The following STXBP5L variants were observed in gnomAD, a reference collection of about 807,000 sequenced individuals.
The protein encoded by STXBP5L is syntaxin binding protein 5L, also known as syntaxin-binding protein 5-like.
Under a neutral mutation model 144.5 loss-of-function variants are expected in STXBP5L, and 65 were observed. The ratio of observed to expected loss-of-function variants is 0.45; its 90% CI spans 0.37 to 0.55. The LOEUF is 0.55. STXBP5L is among the 20% of genes least tolerant of loss of function. The probability of loss-of-function intolerance (pLI) is 0.00; values close to 1 mark genes in which losing one functional copy is unlikely to be tolerated. For missense variants in STXBP5L, 1,298 were observed against 1,405.5 expected (o/e 0.92, Z 1.22); for synonymous variants, 505 against 469.6 (o/e 1.08, Z -0.97).
chr3:121,057,669 T>C (rs1412911128), intron 5 of STXBP5L, among the ~76,000 whole-genome samples: 1 of 152,088 alleles, frequency 6.6e-6, no homozygotes, highest in Non-Finnish European at 1.5e-5. Flanking sequence ...TTATTTTCAT[T>C]ATTATGTACT....
intron 2 of STXBP5L, among the ~76,000 whole-genome samples, chr3:120,910,772 C>G (rs1024179410): frequency 1.3e-5 from 2 of 151,978 alleles, no homozygotes; most frequent in Non-Finnish European, 2.9e-5. Context: ...ACTGTCTCAG[C>G]CTATATTCCT....
At chr3:121,340,868 A>C (rs934639879) in intron 20 of STXBP5L, among the ~76,000 whole-genome samples, 1 of 152,136 alleles carries the variant, frequency 6.6e-6, no homozygotes, top group African/African-American at 2.4e-5. Flanking sequence ...GACAAAGTTA[A>C]AGTGTAGAGT....
chr3:121,206,645 G>C (rs2108234244), intron 10 of STXBP5L, among the ~76,000 whole-genome samples: 1 of 152,088 alleles, frequency 6.6e-6, no homozygotes, highest in East Asian at 1.9e-4. Flanking sequence ...CCCTGCCTCT[G>C]CTAGAAATAC....
chr3:121,216,698 A>C (rs999428977), intron 10 of STXBP5L, among the ~76,000 whole-genome samples: 1 of 152,228 alleles, frequency 6.6e-6, no homozygotes, highest in Non-Finnish European at 1.5e-5. Context: ...GTCCCTTAGC[A>C]GAGCTCGAGC....
At chr3:121,196,347 C>A (rs138166600) in intron 9 of STXBP5L, among the ~76,000 whole-genome samples, 89 of 152,006 alleles carry the variant, frequency 5.9e-4, no homozygotes, top group Middle Eastern at 6.8e-3. Context: ...TCATGTTGGT[C>A]AGGCTGGTCT....
chr3:121,134,770 G>A (rs1162565056), intron 7 of STXBP5L, among the ~76,000 whole-genome samples: 1 of 115,564 alleles, frequency 8.7e-6, no homozygotes, highest in Non-Finnish European at 2.2e-5. Flanking sequence ...ATTCCATAGT[G>A]TATATGTGCC....
chr3:121,309,586 A>G (rs2108508967), intron 19 of STXBP5L, among the ~76,000 whole-genome samples: 1 of 152,270 alleles, frequency 6.6e-6, no homozygotes, highest in South Asian at 2.1e-4. Context: ...CAAGAACTAG[A>G]CAGAAGATCA....
chr3:121,314,464 G>A (rs1460021708), intron 19 of STXBP5L, among the ~76,000 whole-genome samples: 46 of 143,374 alleles, frequency 3.2e-4, no homozygotes, highest in Middle Eastern at 7.1e-3. Context: ...GCGTGGCGGC[G>A]CGCGCCTGCA....
intron 7 of STXBP5L, among the ~76,000 whole-genome samples, chr3:121,123,474 C>T (rs114695745): frequency 6.6e-4 from 100 of 151,342 alleles, no homozygotes; most frequent in Non-Finnish European, 8.0e-4. Context: ...TTCTTTAAGA[C>T]GCATTTTTTA....
chr3:121,211,924 T>C (rs1410070228), intron 10 of STXBP5L, among the ~76,000 whole-genome samples: 2 of 152,142 alleles, frequency 1.3e-5, no homozygotes, highest in African/African-American at 4.8e-5. Flanking sequence ...GGCATGAGAT[T>C]GTATCTCATT....
At chr3:121,008,323 A>T (rs938754232) in intron 3 of STXBP5L, among the ~76,000 whole-genome samples, 12 of 152,002 alleles carry the variant, frequency 7.9e-5, no homozygotes, top group Non-Finnish European at 1.5e-5. Flanking sequence ...AAAGTATCCA[A>T]GTGGTAGCCT....
chr3:121,207,357 T>A (rs2048377100), intron 10 of STXBP5L, among the ~76,000 whole-genome samples: 1 of 152,170 alleles, frequency 6.6e-6, no homozygotes, highest in African/African-American at 2.4e-5. Context: ...ACTTAAATGT[T>A]AGACCTAAAA....
chr3:120,957,026 C>T (rs546009012), intron 3 of STXBP5L, among the ~76,000 whole-genome samples: 1 of 151,996 alleles, frequency 6.6e-6, no homozygotes, highest in East Asian at 1.9e-4. Flanking sequence ...TCTAATCTCA[C>T]TATTTGGCAT....
intron 22 of STXBP5L, among the ~76,000 whole-genome samples, chr3:121,399,383 G>A (rs749263611): frequency 9.2e-5 from 14 of 152,128 alleles, no homozygotes; most frequent in Non-Finnish European, 1.5e-4. Context: ...AGACCAGCTC[G>A]GTTGGGGAGA....
At chr3:120,914,481 T>C (rs1300738873) in intron 2 of STXBP5L, among the ~76,000 whole-genome samples, 1 of 152,028 alleles carries the variant, frequency 6.6e-6, no homozygotes, top group Non-Finnish European at 1.5e-5. Context: ...TAGGTATAGA[T>C]CAGAAATACA....
At chr3:121,261,135 T>C (rs2050370222) in intron 18 of STXBP5L, among the ~76,000 whole-genome samples, 1 of 152,118 alleles carries the variant, frequency 6.6e-6, no homozygotes, top group Non-Finnish European at 1.5e-5. Flanking sequence ...TAAAGATGTG[T>C]CACCTGGTTC....
intron 3 of STXBP5L, among the ~76,000 whole-genome samples, chr3:120,976,700 C>G (rs1052359643): frequency 2.6e-5 from 4 of 152,222 alleles, no homozygotes; most frequent in Admixed American, 2.6e-4. Flanking sequence ...AAATTTTCCT[C>G]TACACACTGC....
At chr3:120,991,795 A>T (rs903435435) in intron 3 of STXBP5L, among the ~76,000 whole-genome samples, 1 of 143,918 alleles carries the variant, frequency 6.9e-6, no homozygotes, top group African/African-American at 2.5e-5. Context: ...CAAACATCAC[A>T]CACCGGGGCC....
rs776508219 is a variant in STXBP5L, at chr3:120,954,924, A to G, written c.190-16A>G. 5.6e-6 allele frequency: 9 copies of G among 1,600,656 alleles called. No individual in the cohort carries two copies. Among genetic ancestry groups the G allele is most frequent in the Non-Finnish European group, 1.7e-6 (2 of 1,170,860 alleles). The stretch of plus-strand genomic sequence containing the variant: ...ATTTCCCTAGAGACTTATTGGTATT[A>G]TTTGCTCTCTTTCAGACAGTTCGGC... On this transcript the variant is annotated splice_polypyrimidine_tract_variant and intron_variant, in intron 2 of 26. Transcript: ENST00000471454.
Sources: gnomAD v4.1 joint callset for allele counts (sites outside exome capture counted in the v4.1 genomes callset) on GRCh38, gnomAD v4.1.1 for gene constraint, MANE v1.5 for transcripts, NCBI Gene and HGNC (gene_info 2026-07-23, HGNC 2026-07-21) for gene names.